Variants in C2orf69 observed in about 807,000 individuals in gnomAD.
The protein encoded by C2orf69 is chromosome 2 open reading frame 69.
C2orf69 carries 19 observed loss-of-function variants against 29.5 expected under a neutral mutation model. That is an observed-to-expected ratio of 0.65 (90% CI 0.45 to 0.95). The LOEUF is 0.95. Among genes scored for constraint, C2orf69 ranks in the 40% least tolerant of loss-of-function variants. The pLI is 0.00. For missense variants in C2orf69, 416 were observed against 482.1 expected, an observed-to-expected ratio of 0.86 and a Z score of 1.28; for synonymous variants, 194 against 180.0, an observed-to-expected ratio of 1.08 and a Z score of -0.62.
At position 199,926,898 on chromosome 2, in the gene C2orf69, C is replaced by G. The variant is rs897259060; in HGVS notation, c.*1012C>G. 2.6e-5 allele frequency: 4 copies of G among 152,634 alleles called. No homozygotes were observed. Among genetic ancestry groups the G allele is most frequent in the South Asian group, 2.1e-4 (1 of 4,826 alleles). 9.5% of individuals were successfully genotyped at this position (152,634 alleles called of 1,614,324 possible). ...TTGGATAAAATAAATATATAATGCT[C>G]TATTTGTTAGAGCTCTATTAAAAAG... On this transcript the variant is annotated 3_prime_UTR_variant, in exon 2 of 2. Coordinates refer to ENST00000319974, the MANE Select transcript of C2orf69 (RefSeq NM_153689.6).
At chr2:199,918,112 G>A (rs936706028) in intron 1 of C2orf69, among the ~76,000 whole-genome samples, 3 of 152,156 alleles carry the variant, frequency 2.0e-5, no homozygotes, top group Admixed American at 1.3e-4. Context: ...ACCTTCCATC[G>A]GGTCCCTCCC....
rs1349661837 is a variant in C2orf69 at position 199,927,278 on chromosome 2, TAGC to T, written c.*1395_*1397del. ...TAATTAGCTTTTGCAGGTAATGAAA[TAGC>T]AGGGAAGTAACATGCTGCTTTAGGA... On this transcript the variant is annotated 3_prime_UTR_variant, in exon 2 of 2. Coordinates refer to ENST00000319974, the MANE Select transcript of C2orf69 (RefSeq NM_153689.6). The T allele has an allele frequency of 9.9e-6, 1 of 101,486 alleles. No homozygotes were observed. Among genetic ancestry groups the T allele is most frequent in the Non-Finnish European group, 2.0e-5 (1 of 49,924 alleles). The allele number at this position is 101,486 out of a possible 1,614,324, so 6.3% of individuals were successfully genotyped here.
intron 1 of C2orf69, among the ~76,000 whole-genome samples, chr2:199,922,031 T>TATATATATA (rs1553566021): frequency 1.5e-4 from 12 of 78,958 alleles, no homozygotes; most frequent in African/African-American, 3.7e-4. Context: ...ACTGTTATTT[T>TATATATATA]TATATATATA....
intron 1 of C2orf69, among the ~76,000 whole-genome samples, chr2:199,918,678 G>A (rs2077302578): frequency 6.6e-6 from 1 of 151,520 alleles, no homozygotes; most frequent in Admixed American, 6.6e-5. Context: ...TTTTAAGTAA[G>A]AGTACAATTT....
At position 199,925,238 on chromosome 2, in the gene C2orf69, C is replaced by T. The variant is rs1450476467; in HGVS notation, c.510C>T (p.Asn170=). The T allele has an allele frequency of 1.9e-6, 3 of 1,612,358 alleles. No homozygotes were observed. The highest frequency in any genetic ancestry group is 2.5e-6 in the Non-Finnish European group (3 of 1,179,830). The change falls in exon 2 of 2, where the codon AAC becomes AAT. Residue 170 remains asparagine (N), a synonymous_variant. Transcript: ENST00000319974. The surrounding 1 kb of genome is among the most constrained non-coding windows in gnomAD (Gnocchi z 4.9). ...FSCYDNFVKS[N]MFGAPEHNTD... ...GCTATGACAATTTTGTGAAAAGTAA[C>T]ATGTTTGGTGCCCCAGAACACAATA...
Position 199,926,081 on chromosome 2 carries a change from G to T in C2orf69, c.*195G>T. ...GTGAATGTGAGCAGTTATTAATTTG[G>T]ATTGAGTTAGAATTAGTTAATTTGA... On this transcript the variant is annotated 3_prime_UTR_variant, in exon 2 of 2. Transcript: ENST00000319974. 1.9e-6 allele frequency: 1 copy of T among 529,274 alleles called. No homozygotes were observed. Among genetic ancestry groups the T allele is most frequent in the Non-Finnish European group, 3.4e-6 (1 of 297,434 alleles). 32.8% of individuals were successfully genotyped at this position (529,274 alleles called of 1,614,324 possible).
rs2077278911 is a variant in C2orf69, at chr2:199,913,309, A to ATATATATTATATATAATATATATTCTAT, written c.333+1543_333+1570dup. ...ATTATATAATATATATTCTATTATA[A>ATATATATTATATATAATATATATTCTAT]TATATATTATATATAATATATATTC... On this transcript the variant is annotated intron_variant, in intron 1 of 1. Coordinates refer to ENST00000319974, the MANE Select transcript of C2orf69 (RefSeq NM_153689.6). Among the ~76,000 whole-genome samples, 7 of 102,546 alleles carry ATATATATTATATATAATATATATTCTAT rather than the reference A, an allele frequency of 6.8e-5. No individual in the cohort carries two copies. The Admixed American group carries it at 1.0e-3, about 15-fold the overall frequency. The allele number at this position is 102,546 out of a possible 152,430, so 67.3% of individuals were successfully genotyped here. A position where few individuals can be genotyped will look rare whatever the true frequency, so the allele number is the denominator to read the frequency against.
chr2:199,911,580 G>T lies in C2orf69; in HGVS notation c.142G>T (p.Glu48Ter). 6.5e-7 allele frequency: 1 copy of T among 1,549,608 alleles called. No homozygotes were observed. Among genetic ancestry groups the T allele is most frequent in the Non-Finnish European group, 8.7e-7 (1 of 1,146,650 alleles). ...CGGCGCGCGATGCTCCCTCTCGGCCGAGGTGCGCCGCCGTCAGTGCCTGCA... is the reference window on the plus strand; with the variant it reads ...CGGCGCGCGATGCTCCCTCTCGGCCTAGGTGCGCCGCCGTCAGTGCCTGCA... Reference protein sequence around the residue: ...SGGARCSLSAEVRRRQCLQLS... With the variant: ...SGGARCSLSA The change falls in exon 1 of 2, where the codon GAG becomes TAG. Residue 48 changes from glutamate to a stop codon, truncating the protein, a stop_gained. Transcript: ENST00000319974. LOFTEE classifies it high-confidence loss of function.
At position 199,911,913 on chromosome 2, in the gene C2orf69, A is replaced by C. The variant is rs568798827; in HGVS notation, c.333+142A>C. The C allele has an allele frequency of 8.7e-5, 109 of 1,255,068 alleles. 2 individuals carry two copies. The East Asian group carries it at 2.1e-3, about 24-fold the overall frequency. The allele number at this position is 1,255,068 out of a possible 1,614,324, so 77.7% of individuals were successfully genotyped here. A position where few individuals can be genotyped will look rare whatever the true frequency, so the allele number is the denominator to read the frequency against. Reference sequence around the variant, plus strand: ...ATTCACTGAGGGTGGCTCTTCCTCTACTCCACGAAATCCAAAACCGTGCCT... The same window carrying C: ...ATTCACTGAGGGTGGCTCTTCCTCTCCTCCACGAAATCCAAAACCGTGCCT... On this transcript the variant is annotated intron_variant, in intron 1 of 1. Coordinates refer to ENST00000319974, the MANE Select transcript of C2orf69 (RefSeq NM_153689.6).
At chr2:199,919,504 GCTTA>G (rs1432511996) in intron 1 of C2orf69, among the ~76,000 whole-genome samples, 4 of 152,154 alleles carry the variant, frequency 2.6e-5, no homozygotes, top group Non-Finnish European at 5.9e-5. Context: ...ATTCTAGCCT[GCTTA>G]CTTCAGATGT....
intron 1 of C2orf69, among the ~76,000 whole-genome samples, chr2:199,913,391 A>ATAT (rs1187370246): frequency 1.1e-5 from 1 of 93,016 alleles, no homozygotes; most frequent in South Asian, 2.9e-4. Flanking sequence ...TATATATAAT[A>ATAT]ACATATATTA....
intron 1 of C2orf69, among the ~76,000 whole-genome samples, chr2:199,920,854 G>C (rs1318876020): frequency 6.7e-6 from 1 of 148,628 alleles, no homozygotes; most frequent in African/African-American, 2.5e-5. Flanking sequence ...TACTCGGGAG[G>C]CTGAGGCAGG....
chr2:199,917,017 C>G (rs1257222750), intron 1 of C2orf69, among the ~76,000 whole-genome samples: 1 of 152,230 alleles, frequency 6.6e-6, no homozygotes, highest in Non-Finnish European at 1.5e-5. Flanking sequence ...CATACATCCT[C>G]TGAAATCTAG....
In C2orf69 at chr2:199,911,616, G is replaced by A. The variant is rs757604720; in HGVS notation, c.178G>A (p.Val60Met). Residue 60 changes from valine (V) to methionine (M), a missense_variant, in exon 1 of 2, where the codon GTG (valine) becomes ATG (methionine). Physicochemically the swap from Val to Met is conservative, Grantham distance 21 (BLOSUM62 1). This residue lies in a region of C2orf69 where 175 missense variants were observed against 139.9 expected (regional missense o/e 1.25). Coordinates refer to ENST00000319974, the MANE Select transcript of C2orf69 (RefSeq NM_153689.6). The part of the protein sequence containing the change: ...RRRQCLQLST[V>M]PGADPQRSNE... ...CCGTCAGTGCCTGCAGCTTTCCACC[G>A]TGCCTGGAGCCGATCCGCAGCGCAG... 2 of 1,549,540 alleles carry A rather than the reference G, an allele frequency of 1.3e-6. No homozygotes were observed. The highest frequency in any genetic ancestry group is 1.7e-6 in the Non-Finnish European group (2 of 1,146,572).
rs2077333651 is a variant in C2orf69 at position 199,925,936 on chromosome 2, T to C, written c.*50T>C. 12 of 1,239,654 alleles carry C rather than the reference T, an allele frequency of 9.7e-6. No homozygotes were observed. Among genetic ancestry groups the C allele is most frequent in the Non-Finnish European group, 1.4e-5 (12 of 877,484 alleles). The allele number at this position is 1,239,654 out of a possible 1,614,324, so 76.8% of individuals were successfully genotyped here. A position where few individuals can be genotyped will look rare whatever the true frequency, so the allele number is the denominator to read the frequency against. ...GTTCAGTGGAAGAACATAAGCACTT[T>C]TGAGTGTTATAAATTCAGATAATGG... On this transcript the variant is annotated 3_prime_UTR_variant, in exon 2 of 2. Transcript: ENST00000319974. The surrounding 1 kb of genome is among the most constrained non-coding windows in gnomAD (Gnocchi z 4.9).
At chr2:199,917,157 CA>C (rs2077296141) in intron 1 of C2orf69, among the ~76,000 whole-genome samples, 1 of 152,232 alleles carries the variant, frequency 6.6e-6, no homozygotes, top group South Asian at 2.1e-4. Context: ...CCATTTTAGC[CA>C]CGGTGGGACA....
At position 199,911,474 on chromosome 2, in the gene C2orf69, G is replaced by T. The variant is rs771430930; in HGVS notation, c.36G>T (p.Leu12Phe). The change falls in exon 1 of 2, where the codon TTG (leucine) becomes TTT (phenylalanine). Residue 12 changes from leucine to phenylalanine, a missense_variant. Coordinates refer to ENST00000319974, the MANE Select transcript of C2orf69 (RefSeq NM_153689.6). ...TCAGGCTCCTGCGGTCGCCGCCGTT[G>T]CTGCTCCTGCTGCCGCAGCTCGGAA... ...WGFRLLRSPP[L>F]LLLLPQLGIG... is the part of the protein sequence containing the mutation. The T allele has an allele frequency of 1.0e-5, 16 of 1,545,962 alleles. No homozygotes were observed. The South Asian group carries it at 1.9e-4, about 18-fold the overall frequency.
At chr2:199,913,202 TATATA>T (rs1316252162) in intron 1 of C2orf69, among the ~76,000 whole-genome samples, 3 of 97,566 alleles carry the variant, frequency 3.1e-5, no homozygotes, top group Admixed American at 1.6e-4. Flanking sequence ...TTATATATAA[TATATA>T]ATATATTATA....
At position 199,911,356 on chromosome 2, in the gene C2orf69, CG is replaced by C; in HGVS notation, c.-81del. 1 of 1,369,188 alleles carries C rather than the reference CG, an allele frequency of 7.3e-7. No individual in the cohort carries two copies. The highest frequency in any genetic ancestry group is 9.4e-7 in the Non-Finnish European group (1 of 1,066,800). 84.8% of individuals were successfully genotyped at this position (1,369,188 alleles called of 1,614,324 possible). ...CCGCGGCCGCCGACCGTTGAGCCGC[CG>C]GCTGAGCCGCCTGCTGAAGTCCCTC... On this transcript the variant is annotated 5_prime_UTR_variant, in exon 1 of 2. Coordinates refer to ENST00000319974, the MANE Select transcript of C2orf69 (RefSeq NM_153689.6).
Sources: gnomAD v4.1 joint callset for allele counts (sites outside exome capture counted in the v4.1 genomes callset) on GRCh38, gnomAD v4.1.1 for gene constraint, gnomAD v4.1.1 regional missense constraint, Gnocchi (gnomAD v3.1) non-coding constraint, MANE v1.5 for transcripts, NCBI Gene and HGNC (gene_info 2026-07-23, HGNC 2026-07-21) for gene names.